Variants in PRRC2B observed in about 807,000 individuals in gnomAD.
PRRC2B encodes protein PRRC2B.
Under a neutral mutation model 242.3 loss-of-function variants are expected in PRRC2B, and 68 were observed. That is an observed-to-expected ratio of 0.28 (90% confidence interval 0.23 to 0.34). The LOEUF is 0.34. Among genes scored for constraint, PRRC2B ranks in the 10% least tolerant of loss-of-function variants. The pLI is 1.00. For missense variants in PRRC2B, 2,835 were observed against 2,954.8 expected (o/e 0.96, Z 0.94); for synonymous variants, 1,228 against 1,173.6 (o/e 1.05, Z -0.95).
chr9:131,469,982 G>A (rs1168536680), intron 13 of PRRC2B, among the ~76,000 whole-genome samples: 2 of 152,090 alleles, frequency 1.3e-5, no homozygotes, highest in African/African-American at 2.4e-5. Flanking sequence ...GCAGAGGACC[G>A]GGGACCTGGT....
At chr9:131,493,960 G>C (rs578185110) in intron 30 of PRRC2B, among the ~76,000 whole-genome samples, 2 of 152,126 alleles carry the variant, frequency 1.3e-5, no homozygotes, top group Middle Eastern at 3.2e-3. Flanking sequence ...GTACATTTTG[G>C]TTCCCCCATC....
At chr9:131,479,956 G>A (rs1336084556) in intron 19 of PRRC2B, among the ~76,000 whole-genome samples, 1 of 151,970 alleles carries the variant, frequency 6.6e-6, no homozygotes, top group Non-Finnish European at 1.5e-5. Flanking sequence ...TAATTTTTCT[G>A]GGAATTTTTC....
chr9:131,467,036 C>T (rs564896385), intron 12 of PRRC2B, among the ~76,000 whole-genome samples: 3 of 152,102 alleles, frequency 2.0e-5, no homozygotes, highest in East Asian at 3.9e-4. Context: ...CTCCTGACCT[C>T]GTGATCCATC....
At chr9:131,377,566 T>C (rs1375116053) in intron 1 of PRRC2B, among the ~76,000 whole-genome samples, 1 of 152,032 alleles carries the variant, frequency 6.6e-6, no homozygotes, top group Non-Finnish European at 1.5e-5. Context: ...CTCAACAGAA[T>C]TGTAAGCCCC....
In PRRC2B at chr9:131,388,784, C is replaced by T. The variant is rs567473241; in HGVS notation, c.-56+15053C>T. On this transcript the variant is annotated intron_variant, in intron 1 of 1. Coordinates refer to the PRRC2B transcript ENST00000682525. ...GTCTCGATCTCTTGACCTCGTGATC[C>T]GCCCTCCTTGGACTTCCAAAGTGCT... Among the ~76,000 whole-genome samples the T allele has an allele frequency of 1.9e-4, 28 of 149,432 alleles. 1 individual carries two copies. The highest frequency in any genetic ancestry group is 6.0e-4 in the East Asian group (3 of 5,020).
At chr9:131,443,969 G>T (rs1272028064) in intron 5 of PRRC2B, among the ~76,000 whole-genome samples, 1 of 152,210 alleles carries the variant, frequency 6.6e-6, no homozygotes, top group Non-Finnish European at 1.5e-5. Flanking sequence ...ACTGGTCCTT[G>T]CAGGTCAGCT....
intron 1 of PRRC2B, among the ~76,000 whole-genome samples, chr9:131,417,026 A>G (rs1435330813): frequency 6.6e-6 from 1 of 152,058 alleles, no homozygotes; most frequent in Non-Finnish European, 1.5e-5. Flanking sequence ...TTAGTTGGTC[A>G]TCTCTCAGAT....
intron 16 of PRRC2B, 83 bp downstream of exon 16, chr9:131,476,618 C>T (rs2131449708): frequency 4.6e-6 from 6 of 1,294,754 alleles, no homozygotes; most frequent in Middle Eastern, 2.6e-4. Context: ...ATGCCGATGC[C>T]GCCGTGTGTC....
intron 5 of PRRC2B, among the ~76,000 whole-genome samples, chr9:131,443,300 A>T (rs75204302): frequency 8.7e-5 from 12 of 137,510 alleles, no homozygotes; most frequent in South Asian, 2.3e-4. Flanking sequence ...CGTCTGGCTA[A>T]TTTTTTTTTG....
At chr9:131,438,032 G>C (rs1280651089) in intron 4 of PRRC2B, among the ~76,000 whole-genome samples, 1 of 152,210 alleles carries the variant, frequency 6.6e-6, no homozygotes, top group African/African-American at 2.4e-5. Context: ...ACCTTATCCA[G>C]TGCTCAGTGC....
intron 3 of PRRC2B, 109 bp from the exon 4 acceptor site, chr9:131,436,511 G>A (rs754843610): frequency 1.3e-6 from 1 of 752,748 alleles, no homozygotes; most frequent in Non-Finnish European, 2.2e-6. Context: ...ATTGGCCAGA[G>A]GAGGTCTGCT....
chr9:131,429,884 T>C (rs1838077479), intron 1 of PRRC2B, among the ~76,000 whole-genome samples: 1 of 151,664 alleles, frequency 6.6e-6, no homozygotes. Flanking sequence ...CGCCTCGGGG[T>C]GTCTACATAA....
intron 11 of PRRC2B, among the ~76,000 whole-genome samples, chr9:131,460,172 G>A (rs1204662991): frequency 6.6e-6 from 1 of 152,136 alleles, no homozygotes; most frequent in Non-Finnish European, 1.5e-5. Context: ...GTTACTTCCA[G>A]GAAATTAGCC....
intron 9 of PRRC2B, among the ~76,000 whole-genome samples, chr9:131,448,547 A>AAAAAAAAACAAAAAC (rs1838890385): frequency 1.0e-5 from 1 of 98,874 alleles, no homozygotes; most frequent in Non-Finnish European, 2.1e-5. Flanking sequence ...CTGTCTCAAA[A>AAAAAAAAACAAAAAC]AAAAAAAAAA....
At chr9:131,444,148 T>C (rs1838707529) in intron 5 of PRRC2B, 37 bp from the exon 6 acceptor site, 1 of 1,611,866 alleles carries the variant, frequency 6.2e-7, no homozygotes, top group South Asian at 1.1e-5. Context: ...GTTGACTCCA[T>C]CTCACTTCCT....
chr9:131,456,586 A>G (rs1159314885), intron 10 of PRRC2B, among the ~76,000 whole-genome samples: 1 of 151,690 alleles, frequency 6.6e-6, no homozygotes, highest in Non-Finnish European at 1.5e-5. Context: ...AGCCGAGATC[A>G]CGCCACATGC....
In PRRC2B at chr9:131,487,412, G is replaced by GT; in HGVS notation, c.5984+118_5984+119insT. The GT allele has an allele frequency of 5.0e-6, 3 of 598,842 alleles. No homozygotes were observed. Among genetic ancestry groups the GT allele is most frequent in the Non-Finnish European group, 8.2e-6 (3 of 366,110 alleles). The allele number at this position is 598,842 out of a possible 1,614,324, so 37.1% of individuals were successfully genotyped here. A position where few individuals can be genotyped will look rare whatever the true frequency, so the allele number is the denominator to read the frequency against. ...TCTGCTTTGGGGCCAGTGGGGCGGG[G>GT]AGGGGTGGGAGTTTGCTCTGAATCA... On this transcript the variant is annotated intron_variant, in intron 27 of 31. Transcript: ENST00000683519. The surrounding 1 kb of genome is among the most constrained non-coding windows in gnomAD (Gnocchi z 5.3).
upstream of PRRC2B, among the ~76,000 whole-genome samples, chr9:131,393,363 G>C (rs896661484): frequency 3.9e-5 from 6 of 152,044 alleles, no homozygotes; most frequent in Admixed American, 2.6e-4. Flanking sequence ...GTCTAAAAAA[G>C]TAAGAACCCT....
At chr9:131,376,046 C>CAAAAAA (rs56400904) in intron 1 of PRRC2B, among the ~76,000 whole-genome samples, 1 of 73,006 alleles carries the variant, frequency 1.4e-5, no homozygotes, top group Non-Finnish European at 2.5e-5. Flanking sequence ...GAGACTGTCT[C>CAAAAAA]AAAAAAAAAA....
Sources: gnomAD v4.1 joint callset for allele counts (sites outside exome capture counted in the v4.1 genomes callset) on GRCh38, gnomAD v4.1.1 for gene constraint, Gnocchi (gnomAD v3.1) non-coding constraint, MANE v1.5 for transcripts, NCBI Gene and HGNC (gene_info 2026-07-23, HGNC 2026-07-21) for gene names.